Variants in GFUS observed in about 807,000 individuals in gnomAD.
The protein encoded by GFUS is GDP-L-fucose synthase, also known as 3-5 epimerase/4-reductase.
In GFUS, 42 loss-of-function variants were observed where a neutral mutation model predicts 41.5. That is an observed-to-expected ratio of 1.01 (90% CI 0.79 to 1.31). The LOEUF (loss-of-function observed/expected upper bound fraction) is 1.31. GFUS is among the 50% of genes most tolerant of loss of function. GFUS has a pLI of 0.00. For synonymous variants in GFUS, 188 were observed against 173.4 expected (o/e 1.08, Z -0.66); for missense variants, 437 against 428.7 (o/e 1.02, Z -0.17).
At chr8:143,615,806 A>G in intron 3 of GFUS, 1 of 353,420 alleles carries the variant, frequency 2.8e-6, no homozygotes. Context: ...GGCAGGAACC[A>G]GCTCCCAGTC....
chr8:143,615,599 TG>T (rs1454610876), intron 3 of GFUS, among the ~76,000 whole-genome samples: 2 of 152,148 alleles, frequency 1.3e-5, no homozygotes, highest in Admixed American at 1.3e-4. Context: ...CAGTGACTGG[TG>T]GGGCCAACCC....
chr8:143,616,265 C>T, intron 2 of GFUS, 45 bp from the exon 3 acceptor site: 2 of 1,582,292 alleles, frequency 1.3e-6, no homozygotes, highest in Non-Finnish European at 1.7e-6. Context: ...GGAACCAGCA[C>T]CCCAGGGTTG....
Position 143,612,783 on chromosome 8 carries a change from G to T in GFUS, c.*127C>A. ...CCCCACTGGAAAGATGCTTGGGGCT[G>T]CAGAGCGGATGGAATGCAGGCCCAG... On this transcript the variant is annotated 3_prime_UTR_variant, in exon 11 of 11. Coordinates refer to ENST00000425753, the MANE Select transcript of GFUS (RefSeq NM_003313.4). The T allele has an allele frequency of 8.4e-7, 1 of 1,187,178 alleles. No individual in the cohort carries two copies. The highest frequency in any genetic ancestry group is 1.2e-6 in the Non-Finnish European group (1 of 842,082). 73.5% of individuals were successfully genotyped at this position (1,187,178 alleles called of 1,614,324 possible).
rs747855694 is a variant in GFUS, at chr8:143,614,406, G to A, written c.512C>T (p.Thr171Ile). 1.9e-6 allele frequency: 3 copies of A among 1,613,838 alleles called. No homozygotes were observed. The highest frequency in any genetic ancestry group is 2.2e-5 in the East Asian group (1 of 44,900). The change falls in exon 6 of 11, where the codon ACC becomes ATC. Residue 171 changes from threonine to isoleucine, a missense_variant. Thr to Ile is a moderately conservative substitution (Grantham distance 89). Coordinates refer to ENST00000425753, the MANE Select transcript of GFUS (RefSeq NM_003313.4). ...GTTGTCGTGGGGCCCGAAGACGTTG[G>A]TGGGGATGACAGCGGTGAAGGTGCA... ...YGCTFTAVIP[T>I]NVFGPHDNFN...
In GFUS at chr8:143,614,770, C is replaced by T; in HGVS notation, c.390+17G>A. ...CCGGCTCCCCGGCCCCACCCACAGC[C>T]AGGCCCTGCCCCTCACCATGGTCTC... On this transcript the variant is annotated intron_variant, in intron 4 of 10. Transcript: ENST00000425753. 6.2e-7 allele frequency: 1 copy of T among 1,613,454 alleles called. No homozygotes were observed. The highest frequency in any genetic ancestry group is 8.5e-7 in the Non-Finnish European group (1 of 1,179,986).
At position 143,616,951 on chromosome 8, in the gene GFUS, A is replaced by T. The variant is rs889691749; in HGVS notation, c.-11-228T>A. The T allele has an allele frequency of 2.9e-5, 17 of 589,966 alleles. No individual in the cohort carries two copies. The African/African-American group carries it at 3.2e-4, about 11-fold the overall frequency. 36.5% of individuals were successfully genotyped at this position (589,966 alleles called of 1,614,324 possible). A position where few individuals can be genotyped will look rare whatever the true frequency, so the allele number is the denominator to read the frequency against. ...CCTGAGCTACCACCCAGCCCAGAGC[A>T]GCTGGTCCCAACCCACGACTCCCCA... On this transcript the variant is annotated intron_variant, in intron 1 of 10. Transcript: ENST00000425753.
chr8:143,617,969 C>T (rs1227341164), upstream of GFUS: 1 of 152,326 alleles, frequency 6.6e-6, no homozygotes, highest in Non-Finnish European at 1.5e-5. Flanking sequence ...GATGAGGAGC[C>T]CGGGTTGTCG....
rs1263399465 is a variant in GFUS, at chr8:143,616,201, C to G, written c.166G>C (p.Ala56Pro). 2 of 1,613,876 alleles carry G rather than the reference C, an allele frequency of 1.2e-6. No individual in the cohort carries two copies. The highest frequency in any genetic ancestry group is 1.1e-5 in the South Asian group (1 of 91,092). Residue 56 changes from alanine (A) to proline (P), a missense_variant, in exon 3 of 11, where the codon GCC (alanine) becomes CCC (proline). Ala to Pro is a conservative substitution (Grantham distance 27). Transcript: ENST00000425753. ...GTGGGTTGGACCTTCTCAAACAGGG[C>G]GCGGGTCTGTGCTGTATCCCTGTAG... ...ADLTDTAQTR[A>P]LFEKVQPTHV...
chr8:143,616,805 AGTG>A, intron 1 of GFUS, 82 bp from the exon 2 acceptor site: 1 of 1,554,334 alleles, frequency 6.4e-7, no homozygotes, highest in Non-Finnish European at 8.8e-7. Context: ...ACTGGCACAG[AGTG>A]AGGCCCTCAG....
Position 143,616,209 on chromosome 8 carries a change from T to A in GFUS, c.158A>T (p.Gln53Leu). The change falls in exon 3 of 11, where the codon CAG becomes CTG. Residue 53 changes from glutamine to leucine, a missense_variant. Gln to Leu is a moderately radical substitution (Grantham distance 113). Coordinates refer to ENST00000425753, the MANE Select transcript of GFUS (RefSeq NM_003313.4). ...SKDADLTDTA[Q>L]TRALFEKVQP... ...GACCTTCTCAAACAGGGCGCGGGTC[T>A]GTGCTGTATCCCTGTAGGAAGCCAG... 1 of 1,614,014 alleles carries A rather than the reference T, an allele frequency of 6.2e-7. No homozygotes were observed. The highest frequency in any genetic ancestry group is 8.5e-7 in the Non-Finnish European group (1 of 1,179,978).
chr8:143,613,135 G>A lies in GFUS; in HGVS notation c.910+61C>T, dbSNP rs1425360216. ...CACCTCACCTCTGCCCTGGTAGCGA[G>A]CATGAGGGAGGGGCTGGGGCAGGCC... is the stretch of plus-strand genomic sequence containing the variant. On this transcript the variant is annotated intron_variant, in intron 10 of 10. Coordinates refer to ENST00000425753, the MANE Select transcript of GFUS (RefSeq NM_003313.4). The A allele has an allele frequency of 3.2e-6, 5 of 1,565,832 alleles. No individual in the cohort carries two copies. The African/African-American group carries it at 5.4e-5, about 17-fold the overall frequency.
rs1440221924 is a variant in GFUS, at chr8:143,614,888, C to T, written c.289G>A (p.Val97Ile). ...CCCACCTCAAAGGCCGAGTGCAGGACGTTGTCGTTCATGTGCACGTTTTTC... is the reference window on the plus strand; with the variant it reads ...CCCACCTCAAAGGCCGAGTGCAGGATGTTGTCGTTCATGTGCACGTTTTTC... ...WRKNVHMNDN[V>I]LHSAFEVGAR... Residue 97 changes from valine to isoleucine, a missense_variant, in exon 4 of 11, where the codon GTC becomes ATC. By Grantham distance (29) the Val-to-Ile change is conservative (BLOSUM62 3). Coordinates refer to ENST00000425753, the MANE Select transcript of GFUS (RefSeq NM_003313.4). The T allele has an allele frequency of 8.7e-6, 14 of 1,611,558 alleles. No individual in the cohort carries two copies. Among genetic ancestry groups the T allele is most frequent in the African/African-American group, 4.0e-5 (3 of 74,900 alleles).
intron 5 of GFUS, 74 bp from the exon 6 acceptor site, chr8:143,614,527 T>G: frequency 1.3e-6 from 2 of 1,565,126 alleles, no homozygotes; most frequent in Admixed American, 3.5e-5. Context: ...GGCCTCTTAC[T>G]GAGGCTGGCA....
chr8:143,614,481 C>A, intron 5 of GFUS, 28 bp from the exon 6 acceptor site: 2 of 1,593,962 alleles, frequency 1.3e-6, no homozygotes, highest in Non-Finnish European at 8.6e-7. Flanking sequence ...CTCCTGCCCT[C>A]GTCCTGGGCC....
chr8:143,617,727 C>T (rs1007719485), upstream of GFUS, among the ~76,000 whole-genome samples: 1 of 152,124 alleles, frequency 6.6e-6, no homozygotes, highest in African/African-American at 2.4e-5. Flanking sequence ...GGGCCGCAAC[C>T]TCTTTAGCCC....
Position 143,613,326 on chromosome 8 carries a change from G to A in GFUS, c.811-31C>T, listed in dbSNP as rs769023269. 5 of 1,602,248 alleles carry A rather than the reference G, an allele frequency of 3.1e-6. No individual in the cohort carries two copies. In the South Asian group the frequency reaches 3.3e-5, roughly 11 times the overall value. On this transcript the variant is annotated intron_variant, in intron 9 of 10. Transcript: ENST00000425753. The stretch of plus-strand genomic sequence containing the variant: ...GGCTTTGTCAAGGCCACAGCGAGAA[G>A]AGCACCTCCACCCCAGCCCCCGCAG...
At chr8:143,616,481 A>G (rs1219202991) in intron 2 of GFUS, 86 bp downstream of exon 2, 1 of 1,594,884 alleles carries the variant, frequency 6.3e-7, no homozygotes, top group South Asian at 1.1e-5. Context: ...TGTTAGACTC[A>G]GCAACATGCC....
At chr8:143,617,276 G>A (rs1215648725) in intron 1 of GFUS, 198 bp downstream of exon 1, 2 of 156,246 alleles carry the variant, frequency 1.3e-5, no homozygotes, top group Non-Finnish European at 2.8e-5. Context: ...CAGGGCCCCA[G>A]GGCCAGCCCT....
At chr8:143,617,041 G>T (rs912732598) in intron 1 of GFUS, 1 of 363,006 alleles carries the variant, frequency 2.8e-6, no homozygotes, top group Non-Finnish European at 5.2e-6. Context: ...GACAACCTTG[G>T]GACGGGGGCT....
Sources: gnomAD v4.1 joint callset for allele counts (sites outside exome capture counted in the v4.1 genomes callset) on GRCh38, gnomAD v4.1.1 for gene constraint, MANE v1.5 for transcripts, NCBI Gene and HGNC (gene_info 2026-07-23, HGNC 2026-07-21) for gene names.